Variants in IL3RA observed in about 807,000 individuals in gnomAD.
IL3RA encodes interleukin 3 receptor subunit alpha.
IL3RA carries 73 observed loss-of-function variants against 52.3 expected under a neutral mutation model. The ratio of observed to expected loss-of-function variants is 1.40; its 90% CI spans 1.16 to 1.70. The LOEUF (loss-of-function observed/expected upper bound fraction) is 1.70, where lower values mean the gene tolerates loss of function less well. Ranked by LOEUF, IL3RA falls within the 40% of genes most tolerant of loss-of-function variation. The pLI is 0.00. For synonymous variants in IL3RA, 260 were observed against 194.0 expected (o/e 1.34, Z -2.83); for missense variants, 664 against 504.4 (o/e 1.32, Z -3.03).
At position 1,348,127 on chromosome X, in the gene IL3RA, A is replaced by C. The variant is rs759971733; in HGVS notation, c.184-304A>C. 2.8e-3 allele frequency among the ~76,000 whole-genome samples: 418 copies of C among 151,080 alleles called. 14 individuals carry two copies. The highest frequency in any genetic ancestry group is 9.6e-3 in the African/African-American group (392 of 40,824). The stretch of plus-strand genomic sequence containing the variant: ...TTTGGGAGGCTGAGGCAGGCGGATC[A>C]CATGAGGTCAGGAGTTCGAGACCAG... On this transcript the variant is annotated intron_variant, in intron 3 of 11. Transcript: ENST00000331035.
intron 9 of IL3RA, among the ~76,000 whole-genome samples, chrX:1,376,715 A>C (rs2088766849): frequency 1.7e-5 from 2 of 115,998 alleles, no homozygotes; most frequent in Non-Finnish European, 3.5e-5. Flanking sequence ...TGGATCTCAG[A>C]CCTCCAGCCT....
chrX:1,344,107 T>C (rs1442373738), intron 2 of IL3RA, among the ~76,000 whole-genome samples: 5 of 152,014 alleles, frequency 3.3e-5, no homozygotes, highest in Non-Finnish European at 7.4e-5. Context: ...TTATGACTTC[T>C]ACCAGCTCAC....
At chrX:1,344,664 T>G (rs2148896495) in intron 2 of IL3RA, among the ~76,000 whole-genome samples, 1 of 140,010 alleles carries the variant, frequency 7.1e-6, no homozygotes, top group East Asian at 2.2e-4. Flanking sequence ...TCCTAGCTAC[T>G]CGGGAGGCTG....
chrX:1,341,763 C>T lies in IL3RA; in HGVS notation c.-3C>T. The T allele has an allele frequency of 6.2e-7, 1 of 1,613,914 alleles. No individual in the cohort carries two copies. The highest frequency in any genetic ancestry group is 8.5e-7 in the Non-Finnish European group (1 of 1,179,848). On this transcript the variant is annotated 5_prime_UTR_variant, in exon 2 of 12. Transcript: ENST00000331035. ...TGTCCTGCGTTCCGGAGCTGCGTTC[C>T]CGATGGTCCTCCTTTGGCTCACGCT...
rs778161349 is a variant in IL3RA at position 1,344,987 on chromosome X, G to C, written c.65-329G>C. ...ACCATCCTGGCTAACACGGTGAAAC[G>C]CCATCTCTACTAAAAATACAAAAAA... On this transcript the variant is annotated intron_variant, in intron 2 of 11. Coordinates refer to ENST00000331035, the MANE Select transcript of IL3RA (RefSeq NM_002183.4). Among the ~76,000 whole-genome samples the C allele has an allele frequency of 1.0e-3, 138 of 134,422 alleles. 1 individual carries two copies. Among genetic ancestry groups the C allele is most frequent in the East Asian group, 2.0e-3 (9 of 4,566 alleles). 88.2% of individuals were successfully genotyped at this position (134,422 alleles called of 152,430 possible).
intron 9 of IL3RA, among the ~76,000 whole-genome samples, chrX:1,368,584 G>T (rs1451510934): frequency 6.6e-6 from 1 of 152,170 alleles, no homozygotes; most frequent in East Asian, 1.9e-4. Flanking sequence ...TGGAGTTGGG[G>T]TGTTTAAAGA....
intron 8 of IL3RA, among the ~76,000 whole-genome samples, chrX:1,359,578 CT>C (rs1298026109): frequency 1.7e-4 from 26 of 150,976 alleles, no homozygotes; most frequent in East Asian, 3.9e-4. Context: ...CTATCTCTCC[CT>C]GTCCCCATCT....
rs1246864687 is a variant in IL3RA at position 1,348,496 on chromosome X, C to G, written c.249C>G (p.Val83=). Residue 83 remains valine (V), a synonymous_variant, in exon 4 of 12, where the codon GTC becomes GTG. Transcript: ENST00000331035. ...ISLCEVTNYT[V]RVANPPFSTW... is the part of the protein sequence containing the mutation. Reference sequence around the variant, plus strand: ...TATGTGAAGTGACCAACTACACCGTCCGAGTGGCCAACCCACCATTCTCCA... The same window carrying G: ...TATGTGAAGTGACCAACTACACCGTGCGAGTGGCCAACCCACCATTCTCCA... 3 of 1,613,808 alleles carry G rather than the reference C, an allele frequency of 1.9e-6. No individual in the cohort carries two copies. In the African/African-American group the frequency reaches 4.0e-5, roughly 22 times the overall value.
At chrX:1,363,387 G>A (rs1350365505) in intron 8 of IL3RA, among the ~76,000 whole-genome samples, 81 of 147,526 alleles carry the variant, frequency 5.5e-4, no homozygotes, top group African/African-American at 2.0e-3. Context: ...TGCAAGCTCC[G>A]CCTCCCGGGT....
At chrX:1,358,821 G>A (rs779120513) in intron 7 of IL3RA, 40 bp from the exon 8 acceptor site, 34 of 1,611,626 alleles carry the variant, frequency 2.1e-5, no homozygotes, top group Admixed American at 3.4e-5. Flanking sequence ...TTTCAGGGAC[G>A]GTCCAGACAC....
At chrX:1,365,492 CGGGGTGA>C (rs1444625755) in intron 9 of IL3RA, among the ~76,000 whole-genome samples, 5 of 35,964 alleles carry the variant, frequency 1.4e-4, no homozygotes, top group African/African-American at 1.2e-3. Flanking sequence ...GCCGGGTGCG[CGGGGTGA>C]GCCGGGTGAG....
rs147319218 is a variant in IL3RA, at chrX:1,378,702, G to A, written c.918G>A (p.Thr306=). The change falls in exon 10 of 12, where the codon ACG becomes ACA. Residue 306 remains threonine (T), a synonymous_variant. Transcript: ENST00000331035. ...GCGCAAACACACGTGCCTGGCGGAC[G>A]TCGCTGCTGATCGCGCTGGGGACGC... ...EEGANTRAWR[T]SLLIALGTLL... The A allele has an allele frequency of 4.7e-5, 76 of 1,612,698 alleles. No homozygotes were observed. The East Asian group carries it at 4.9e-4, about 10-fold the overall frequency.
In IL3RA at chrX:1,351,180, C is replaced by T. The variant is rs1177979128; in HGVS notation, c.299-920C>T. Among the ~76,000 whole-genome samples, 20 of 152,030 alleles carry T rather than the reference C, an allele frequency of 1.3e-4. 1 individual carries two copies. The highest frequency in any genetic ancestry group is 4.3e-4 in the African/African-American group (18 of 41,402). ...CGAGATGGCGCCATTGTACTCCAGC[C>T]TAGGCGACGGAGCGAGACTCTGTAA... On this transcript the variant is annotated intron_variant, in intron 4 of 11. Coordinates refer to ENST00000331035, the MANE Select transcript of IL3RA (RefSeq NM_002183.4).
chrX:1,350,365 G>A (rs772726768), intron 4 of IL3RA, among the ~76,000 whole-genome samples: 328 of 151,800 alleles, frequency 2.2e-3, no homozygotes, highest in African/African-American at 7.0e-3. Flanking sequence ...CGAGGCAGGC[G>A]GATCACCTGA....
At position 1,344,038 on chromosome X, in the gene IL3RA, C is replaced by T. The variant is rs192828058; in HGVS notation, c.65-1278C>T. On this transcript the variant is annotated intron_variant, in intron 2 of 11. Coordinates refer to ENST00000331035, the MANE Select transcript of IL3RA (RefSeq NM_002183.4). ...CTTGATCACTTGACCTGGTGATCCG[C>T]CCACCTTGGCCTCCCAAAGTGCTGG... Among the ~76,000 whole-genome samples the T allele has an allele frequency of 2.8e-3, 421 of 152,154 alleles. 4 individuals are homozygous for T. Among genetic ancestry groups the T allele is most frequent in the African/African-American group, 9.4e-3 (392 of 41,544 alleles).
intron 9 of IL3RA, among the ~76,000 whole-genome samples, chrX:1,367,368 G>C (rs1216593712): frequency 3.0e-5 from 1 of 33,860 alleles, no homozygotes. Context: ...CGGGGTGCGC[G>C]GGGTGAGCCG....
rs2086940778 is a variant in IL3RA, at chrX:1,358,901, AC to A, written c.759+19del. ...ATCACAGAACAGGTGAGTGTTCCCT[AC>A]CCCCAGCCGCTGTACTTGACATTGC... On this transcript the variant is annotated intron_variant, in intron 8 of 11. Coordinates refer to ENST00000331035, the MANE Select transcript of IL3RA (RefSeq NM_002183.4). 1.2e-6 allele frequency: 2 copies of A among 1,609,344 alleles called. No individual in the cohort carries two copies. Among genetic ancestry groups the A allele is most frequent in the Admixed American group, 1.7e-5 (1 of 59,424 alleles).
chrX:1,348,799 T>C (rs1481541072), intron 4 of IL3RA, among the ~76,000 whole-genome samples: 2 of 147,832 alleles, frequency 1.4e-5, no homozygotes, highest in South Asian at 2.2e-4. Context: ...TTCTTTCTTT[T>C]CTTCACTTCC....
chrX:1,350,903 A>G (rs2086054808), intron 4 of IL3RA, among the ~76,000 whole-genome samples: 1 of 148,852 alleles, frequency 6.7e-6, no homozygotes, highest in Admixed American at 6.8e-5. Context: ...ACACACACAG[A>G]TGCACACACA....
Sources: allele counts gnomAD v4.1 joint callset (sites outside exome capture counted in the v4.1 genomes callset), GRCh38; gene constraint gnomAD v4.1.1; transcripts MANE v1.5; gene names NCBI Gene and HGNC (gene_info 2026-07-23, HGNC 2026-07-21).